KCNH8: variants seen among roughly 807,000 people sequenced by gnomAD.
KCNH8 encodes the protein voltage-gated delayed rectifier potassium channel KCNH8.
Under a neutral mutation model 103.6 loss-of-function variants are expected in KCNH8, and 70 were observed. The observed-to-expected ratio is 0.68, with a 90% CI of 0.56 to 0.82. The LOEUF is 0.82. Among genes scored for constraint, KCNH8 ranks in the 40% least tolerant of loss-of-function variants. The pLI, the probability that KCNH8 is intolerant of heterozygous loss-of-function variation, is 0.00. For synonymous variants in KCNH8, 498 were observed against 489.4 expected (o/e 1.02, Z -0.23); for missense variants, 1,217 against 1,329.9 (o/e 0.92, Z 1.32).
At chr3:19,463,983 G>A (rs541165455) in intron 11 of KCNH8, among the ~76,000 whole-genome samples, 14 of 152,180 alleles carry the variant, frequency 9.2e-5, no homozygotes, top group African/African-American at 2.2e-4. Context: ...TACCGCTTGC[G>A]TAAATTAAAA....
chr3:19,427,674 T>G (rs1272306241), intron 7 of KCNH8, among the ~76,000 whole-genome samples: 1 of 152,166 alleles, frequency 6.6e-6, no homozygotes, highest in Non-Finnish European at 1.5e-5. Context: ...AAAGGTCTTA[T>G]GTTACCAAAA....
intron 11 of KCNH8, among the ~76,000 whole-genome samples, chr3:19,494,089 G>A (rs1288604301): frequency 6.6e-6 from 1 of 152,158 alleles, no homozygotes. Flanking sequence ...AGAACATGCA[G>A]TATGTGATTT....
intron 11 of KCNH8, 95 bp from the exon 12 acceptor site, chr3:19,510,268 T>C: frequency 2.6e-6 from 2 of 780,220 alleles, no homozygotes; most frequent in Non-Finnish European, 4.6e-6. Context: ...CCACAAACTC[T>C]GTACATACTT....
intron 1 of KCNH8, among the ~76,000 whole-genome samples, chr3:19,244,702 T>G (rs974809072): frequency 6.6e-6 from 1 of 152,246 alleles, no homozygotes; most frequent in Admixed American, 6.5e-5. Context: ...GGTTTTGATT[T>G]GCATTTCTCA....
chr3:19,403,401 A>ATATATATATAT (rs1559311343), intron 7 of KCNH8, among the ~76,000 whole-genome samples: 3 of 105,212 alleles, frequency 2.9e-5, no homozygotes, highest in Non-Finnish European at 6.4e-5. Context: ...TATATATATA[A>ATATATATATAT]AATCCTTCTG....
intron 7 of KCNH8, among the ~76,000 whole-genome samples, chr3:19,396,767 T>G (rs1383768564): frequency 6.6e-6 from 1 of 152,038 alleles, no homozygotes; most frequent in Middle Eastern, 3.2e-3. Flanking sequence ...TCTCCATAAC[T>G]TTGTCTTGAA....
rs1435989016 is a variant in KCNH8 at position 19,170,777 on chromosome 3, C to T, written c.76+21982C>T. ...ATATATATACACACATATATATACA[C>T]ACACACACACACATATATATATATA... is the stretch of plus-strand genomic sequence containing the variant. On this transcript the variant is annotated intron_variant, in intron 1 of 15. Coordinates refer to ENST00000328405, the MANE Select transcript of KCNH8 (RefSeq NM_144633.3). 2.1e-3 allele frequency among the ~76,000 whole-genome samples: 204 copies of T among 96,358 alleles called. 9 individuals carry two copies. Among genetic ancestry groups the T allele is most frequent in the South Asian group, 7.2e-3 (23 of 3,206 alleles). The allele number at this position is 96,358 out of a possible 152,430, so 63.2% of individuals were successfully genotyped here.
chr3:19,324,097 G>T (rs776535456), intron 3 of KCNH8, among the ~76,000 whole-genome samples: 2 of 152,060 alleles, frequency 1.3e-5, no homozygotes, highest in Non-Finnish European at 2.9e-5. Context: ...CGGCTACCAG[G>T]GTGGGTAGAG....
At chr3:19,300,877 T>C (rs2065056456) in intron 3 of KCNH8, among the ~76,000 whole-genome samples, 1 of 151,816 alleles carries the variant, frequency 6.6e-6, no homozygotes, top group Non-Finnish European at 1.5e-5. Context: ...TTTATTTCAT[T>C]ATTTTCTACC....
At chr3:19,301,243 G>A (rs2125289595) in intron 3 of KCNH8, among the ~76,000 whole-genome samples, 1 of 151,018 alleles carries the variant, frequency 6.6e-6, no homozygotes, top group Admixed American at 6.6e-5. Flanking sequence ...GTAATATCAG[G>A]TTGCAATTAA....
At chr3:19,274,950 C>A (rs1175985525) in intron 2 of KCNH8, among the ~76,000 whole-genome samples, 1 of 144,526 alleles carries the variant, frequency 6.9e-6, no homozygotes, top group East Asian at 2.1e-4. Flanking sequence ...GCACTTTTCT[C>A]AAAAGTTTGA....
intron 1 of KCNH8, among the ~76,000 whole-genome samples, chr3:19,231,236 G>C (rs1435413661): frequency 1.3e-5 from 2 of 151,986 alleles, no homozygotes; most frequent in African/African-American, 2.4e-5. Context: ...TGATAACACT[G>C]ATTAAAATGT....
chr3:19,239,635 AATCTATCTATCTATCTATCT>A (rs10571316), intron 1 of KCNH8, among the ~76,000 whole-genome samples: 11 of 145,756 alleles, frequency 7.5e-5, no homozygotes, highest in East Asian at 4.0e-4. Flanking sequence ...AGAATGATGG[AATCTATCTATCTATCTATCT>A]ATCTATCTAT....
intron 2 of KCNH8, among the ~76,000 whole-genome samples, chr3:19,274,966 A>T (rs1407969700): frequency 6.7e-6 from 1 of 148,802 alleles, no homozygotes; most frequent in East Asian, 2.0e-4. Flanking sequence ...TTTGAAATGG[A>T]AGTATCCATT....
intron 1 of KCNH8, among the ~76,000 whole-genome samples, chr3:19,229,421 A>G (rs186991680): frequency 7.2e-5 from 11 of 152,300 alleles, no homozygotes; most frequent in South Asian, 4.1e-4. Context: ...CCAAACCTCA[A>G]TTCTTGACTT....
chr3:19,395,046 T>G, intron 6 of KCNH8, 58 bp from the exon 7 acceptor site: 2 of 1,195,566 alleles, frequency 1.7e-6, no homozygotes, highest in Non-Finnish European at 2.5e-6. Flanking sequence ...TCCAAGTTAA[T>G]GTTGTGGTAT....
intron 11 of KCNH8, among the ~76,000 whole-genome samples, chr3:19,499,573 G>A (rs1175069063): frequency 1.3e-5 from 2 of 152,178 alleles, no homozygotes; most frequent in African/African-American, 4.8e-5. Flanking sequence ...GGTAACAGCA[G>A]ACTAACAGCA....
intron 5 of KCNH8, among the ~76,000 whole-genome samples, chr3:19,376,467 T>C (rs1207585530): frequency 2.0e-5 from 3 of 152,110 alleles, no homozygotes; most frequent in Non-Finnish European, 4.4e-5. Flanking sequence ...TCATGCACGG[T>C]GCGCGCACCC....
chr3:19,263,924 A>T (rs2064470553), intron 2 of KCNH8, among the ~76,000 whole-genome samples: 1 of 152,068 alleles, frequency 6.6e-6, no homozygotes, highest in African/African-American at 2.4e-5. Flanking sequence ...CTATAGGGCC[A>T]CCAAACAGTT....
Sources: allele counts gnomAD v4.1 joint callset (sites outside exome capture counted in the v4.1 genomes callset), GRCh38; gene constraint gnomAD v4.1.1; transcripts MANE v1.5; gene names NCBI Gene and HGNC (gene_info 2026-07-23, HGNC 2026-07-21).